The following OCA2 variants were observed in gnomAD, a reference collection of about 807,000 sequenced individuals.
OCA2 encodes the protein P protein.
OCA2 carries 77 observed loss-of-function variants against 100.2 expected under a neutral mutation model. The ratio of observed to expected loss-of-function variants is 0.77; its 90% CI spans 0.64 to 0.93. The LOEUF (loss-of-function observed/expected upper bound fraction) is 0.93. Ranked by LOEUF, OCA2 falls within the 40% of genes least tolerant of loss-of-function variation. The pLI is 0.00. For synonymous variants in OCA2, 432 were observed against 439.2 expected (o/e 0.98, Z 0.21); for missense variants, 1,062 against 1,089.1 (o/e 0.98, Z 0.35).
downstream of OCA2, among the ~76,000 whole-genome samples, chr15:27,753,493 G>A (rs1339967926): frequency 6.6e-6 from 1 of 152,106 alleles, no homozygotes; most frequent in African/African-American, 2.4e-5. Context: ...CAGCACTTTG[G>A]GAGGCCGAGT....
At chr15:27,771,161 C>T (rs1019852009) in intron 23 of OCA2, among the ~76,000 whole-genome samples, 1 of 150,986 alleles carries the variant, frequency 6.6e-6, no homozygotes, top group African/African-American at 2.4e-5. Context: ...TGCAGCGACA[C>T]CCCCTTGGCC....
At chr15:28,082,431 A>C (rs1048154293) in intron 1 of OCA2, among the ~76,000 whole-genome samples, 1 of 152,204 alleles carries the variant, frequency 6.6e-6, no homozygotes, top group African/African-American at 2.4e-5. Flanking sequence ...CTGCAGCATC[A>C]TTCTTGAAGT....
intron 21 of OCA2, among the ~76,000 whole-genome samples, chr15:27,856,469 T>C (rs1215682593): frequency 6.6e-6 from 1 of 152,074 alleles, no homozygotes; most frequent in Admixed American, 6.5e-5. Context: ...CAGGAAGCTG[T>C]GGGGGTGGCA....
chr15:28,041,220 C>A (rs965527627), intron 2 of OCA2, among the ~76,000 whole-genome samples: 3 of 149,928 alleles, frequency 2.0e-5, no homozygotes, highest in African/African-American at 7.5e-5. Context: ...TGGGAAAAAT[C>A]AATCTATGAA....
At chr15:27,832,809 T>C (rs1396434907) in intron 23 of OCA2, among the ~76,000 whole-genome samples, 1 of 150,864 alleles carries the variant, frequency 6.6e-6, no homozygotes. Flanking sequence ...ATTCATGAAA[T>C]ATGGCCGGAT....
chr15:27,953,867 G>A (rs933333921), intron 17 of OCA2, among the ~76,000 whole-genome samples: 4 of 151,896 alleles, frequency 2.6e-5, no homozygotes, highest in Non-Finnish European at 5.9e-5. Flanking sequence ...AGCCTGAACA[G>A]TGTACACAGT....
At chr15:28,094,192 T>C (rs2044925070) in intron 1 of OCA2, among the ~76,000 whole-genome samples, 1 of 151,766 alleles carries the variant, frequency 6.6e-6, no homozygotes, top group African/African-American at 2.4e-5. Context: ...GCACACAGCC[T>C]ACCTCTGGGG....
At chr15:27,967,166 T>C (rs2040598976) in intron 14 of OCA2, among the ~76,000 whole-genome samples, 1 of 151,970 alleles carries the variant, frequency 6.6e-6, no homozygotes, top group East Asian at 1.9e-4. Flanking sequence ...AGACGGGCCT[T>C]TCCTCCGCAC....
At chr15:27,913,888 AAAGAAAGCAAGCAAGC>A (rs1325205242) in intron 19 of OCA2, among the ~76,000 whole-genome samples, 65 of 57,336 alleles carry the variant, frequency 1.1e-3, no homozygotes, top group African/African-American at 4.1e-3. Context: ...AGAAAGAAAG[AAAGAAAGCAAGCAAGC>A]AAGCAAGCAA....
At chr15:28,044,595 T>C (rs2043295459) in intron 2 of OCA2, among the ~76,000 whole-genome samples, 1 of 152,240 alleles carries the variant, frequency 6.6e-6, no homozygotes, top group African/African-American at 2.4e-5. Flanking sequence ...TTCTGTCTAT[T>C]TGTTCTATTA....
chr15:27,918,089 A>ATTTT (rs34943192), intron 19 of OCA2, among the ~76,000 whole-genome samples: 9 of 103,174 alleles, frequency 8.7e-5, no homozygotes, highest in African/African-American at 2.5e-4. Context: ...CTCCCTCTTG[A>ATTTT]TTTTTTTTTT....
At chr15:28,054,486 T>G (rs951290565) in intron 2 of OCA2, among the ~76,000 whole-genome samples, 2 of 152,186 alleles carry the variant, frequency 1.3e-5, no homozygotes, top group Non-Finnish European at 2.9e-5. Context: ...CACACCCATC[T>G]TGACTGGCTC....
chr15:27,869,705 C>T (rs11855824), intron 21 of OCA2, among the ~76,000 whole-genome samples: 2,408 of 152,222 alleles, frequency 0.016, 56 homozygotes, highest in African/African-American at 0.051. Context: ...GAGGCTGTGT[C>T]GGGGTCCTGC....
At chr15:27,976,335 C>G (rs2040965330) in intron 14 of OCA2, among the ~76,000 whole-genome samples, 1 of 152,128 alleles carries the variant, frequency 6.6e-6, no homozygotes, top group Non-Finnish European at 1.5e-5. Flanking sequence ...TGTCTTGTTT[C>G]TGATGTTAGA....
chr15:28,050,952 C>G (rs1361106163), intron 2 of OCA2, among the ~76,000 whole-genome samples: 2 of 152,166 alleles, frequency 1.3e-5, no homozygotes, highest in South Asian at 4.1e-4. Context: ...CCCTGCACCC[C>G]CTACTGCCCT....
chr15:28,046,685 G>T (rs1480360256), intron 2 of OCA2, among the ~76,000 whole-genome samples: 1 of 152,134 alleles, frequency 6.6e-6, no homozygotes, highest in Admixed American at 6.5e-5. Flanking sequence ...ACAGGACAGG[G>T]TACCTATCAT....
chr15:27,851,929 G>A (rs138742819), intron 21 of OCA2, among the ~76,000 whole-genome samples: 15 of 152,272 alleles, frequency 9.9e-5, no homozygotes, highest in Middle Eastern at 3.4e-3. Context: ...GATCTTGAAA[G>A]CAATCCAGCC....
At chr15:27,878,795 A>T (rs1448583055) in intron 19 of OCA2, among the ~76,000 whole-genome samples, 1 of 152,040 alleles carries the variant, frequency 6.6e-6, no homozygotes, top group African/African-American at 2.4e-5. Flanking sequence ...TTTTTCTCTT[A>T]ATCTCTTGCT....
chr15:27,898,036 T>C (rs1234432566), intron 19 of OCA2, among the ~76,000 whole-genome samples: 1 of 152,196 alleles, frequency 6.6e-6, no homozygotes, highest in Non-Finnish European at 1.5e-5. Context: ...TTGGAATGGC[T>C]GTATTTACCA....
Sources: gnomAD v4.1 joint callset for allele counts (sites outside exome capture counted in the v4.1 genomes callset) on GRCh38, gnomAD v4.1.1 for gene constraint, MANE v1.5 for transcripts, NCBI Gene and HGNC (gene_info 2026-07-23, HGNC 2026-07-21) for gene names.